Variants in FBXO32 observed in about 807,000 individuals in gnomAD.
FBXO32 encodes the protein F-box protein 32, also known as F-box only protein 32.
FBXO32 carries 15 observed loss-of-function variants against 48.3 expected under a neutral mutation model. The observed-to-expected ratio is 0.31, with a 90% CI of 0.21 to 0.48. FBXO32 has a LOEUF of 0.48. FBXO32 is among the 20% of genes least tolerant of loss of function. The pLI, the probability that FBXO32 is intolerant of heterozygous loss-of-function variation, is 0.99. For missense variants in FBXO32, 309 were observed against 432.7 expected (o/e 0.71, Z 2.54); for synonymous variants, 154 against 165.9 (o/e 0.93, Z 0.55).
chr8:123,527,432 A>G (rs981827441), intron 4 of FBXO32, among the ~76,000 whole-genome samples: 1 of 152,180 alleles, frequency 6.6e-6, no homozygotes, highest in African/African-American at 2.4e-5. Flanking sequence ...TATCCCAATA[A>G]TGCAGTTTCT....
Position 123,533,129 on chromosome 8 carries a change from T to G in FBXO32, c.279+62A>C. The G allele has an allele frequency of 2.3e-6, 3 of 1,295,982 alleles. No individual in the cohort carries two copies. In the Admixed American group the frequency reaches 5.2e-5, roughly 22 times the overall value. The allele number at this position is 1,295,982 out of a possible 1,614,324, so 80.3% of individuals were successfully genotyped here. A position where few individuals can be genotyped will look rare whatever the true frequency, so the allele number is the denominator to read the frequency against. ...GTAATTTCCCTCCCTACCATATCCC[T>G]CCCTGCGCTATCAGGAAGGGATAAG... On this transcript the variant is annotated intron_variant, in intron 3 of 8. Transcript: ENST00000517956.
chr8:123,518,850 C>A (rs939949871), intron 4 of FBXO32, among the ~76,000 whole-genome samples: 20 of 151,982 alleles, frequency 1.3e-4, no homozygotes, highest in Admixed American at 5.2e-4. Flanking sequence ...GAGACAAAGT[C>A]TCACTCTGTC....
Position 123,532,150 on chromosome 8 carries a change from C to A in FBXO32, c.280-160G>T, listed in dbSNP as rs532546498. On this transcript the variant is annotated intron_variant, in intron 3 of 8. Coordinates refer to ENST00000517956, the MANE Select transcript of FBXO32 (RefSeq NM_058229.4). ...TGGCTTCTTTCCTGTACCCACAAGC[C>A]CTTGAGAGCCACCAAGATGGGTAAC... 746 of 1,403,790 alleles carry A rather than the reference C, an allele frequency of 5.3e-4. 10 individuals carry two copies. In the South Asian group the frequency reaches 0.011, roughly 21 times the overall value. 87.0% of individuals were successfully genotyped at this position (1,403,790 alleles called of 1,614,324 possible). A position where few individuals can be genotyped will look rare whatever the true frequency, so the allele number is the denominator to read the frequency against.
At chr8:123,523,329 T>C (rs1349494792) in intron 4 of FBXO32, among the ~76,000 whole-genome samples, 3 of 152,230 alleles carry the variant, frequency 2.0e-5, no homozygotes, top group Middle Eastern at 6.8e-3. Context: ...CGGTGGCTCA[T>C]GCCTGTAATC....
At chr8:123,505,008 TTACTC>T (rs1470191357) in intron 7 of FBXO32, among the ~76,000 whole-genome samples, 4 of 152,198 alleles carry the variant, frequency 2.6e-5, no homozygotes, top group Non-Finnish European at 5.9e-5. Flanking sequence ...CTAGTGACCT[TTACTC>T]AACTGTGGCT....
intron 1 of FBXO32, among the ~76,000 whole-genome samples, chr8:123,539,375 A>G (rs1251432153): frequency 6.6e-6 from 1 of 152,228 alleles, no homozygotes; most frequent in Non-Finnish European, 1.5e-5. Context: ...TTGTTGAGGG[A>G]GAATAATTTA....
chr8:123,531,633 A>T (rs1227540568), intron 4 of FBXO32, among the ~76,000 whole-genome samples: 3 of 152,190 alleles, frequency 2.0e-5, no homozygotes, highest in African/African-American at 7.2e-5. Context: ...TTTCACTTGA[A>T]GAGAATGGCT....
chr8:123,540,944 C>A lies in FBXO32; in HGVS notation c.71G>T (p.Arg24Leu). 2 of 1,613,514 alleles carry A rather than the reference C, an allele frequency of 1.2e-6. No individual in the cohort carries two copies. Among genetic ancestry groups the A allele is most frequent in the Non-Finnish European group, 1.7e-6 (2 of 1,179,752 alleles). Residue 24 changes from arginine (R) to leucine (L), a missense_variant, in exon 1 of 9, where the codon CGC (arginine) becomes CTC (leucine). Physicochemically the swap from Arg to Leu is moderately radical, Grantham distance 102 (BLOSUM62 -2). Transcript: ENST00000517956. This position sits in a 1 kb window ranked among gnomAD's most constrained non-coding sequence, Gnocchi z 6.4. Reference protein sequence around the residue: ...NWVKTADGWKRFLDEKSGSFV... With the variant: ...NWVKTADGWKLFLDEKSGSFV... ...ACTGCCGCTCTTCTCATCCAGGAAGCGCTTCCAGCCGTCGGCCGTCTTCAC... is the reference window on the plus strand; with the variant it reads ...ACTGCCGCTCTTCTCATCCAGGAAGAGCTTCCAGCCGTCGGCCGTCTTCAC...
intron 4 of FBXO32, among the ~76,000 whole-genome samples, chr8:123,521,241 C>G (rs1816947805): frequency 6.6e-6 from 1 of 151,738 alleles, no homozygotes; most frequent in Non-Finnish European, 1.5e-5. Flanking sequence ...ATGGTAAGCA[C>G]TCAACAAATA....
rs1816716028 is a variant in FBXO32, at chr8:123,510,556, T to C, written c.651+2642A>G. 2.0e-5 allele frequency among the ~76,000 whole-genome samples: 3 copies of C among 152,150 alleles called. No homozygotes were observed. The South Asian group carries it at 6.2e-4, about 32-fold the overall frequency. ...TGAACCCAGGAGGTGGAGGCTGCAG[T>C]GAGCTGAGATCACACCACTGCACTC... On this transcript the variant is annotated intron_variant, in intron 6 of 8. Coordinates refer to ENST00000517956, the MANE Select transcript of FBXO32 (RefSeq NM_058229.4).
Position 123,540,937 on chromosome 8 carries a change from C to G in FBXO32, c.78G>C (p.Leu26=), listed in dbSNP as rs1266512957. ...TCACGAAACTGCCGCTCTTCTCATC[C>G]AGGAAGCGCTTCCAGCCGTCGGCCG... The part of the protein sequence containing the change: ...VKTADGWKRF[L]DEKSGSFVSD... The change falls in exon 1 of 9, where the codon CTG becomes CTC. Residue 26 remains leucine (L), a synonymous_variant. Transcript: ENST00000517956. The surrounding 1 kb of genome is among the most constrained non-coding windows in gnomAD (Gnocchi z 6.4). The G allele has an allele frequency of 2.5e-6, 4 of 1,613,578 alleles. No individual in the cohort carries two copies. Among genetic ancestry groups the G allele is most frequent in the Non-Finnish European group, 3.4e-6 (4 of 1,179,804 alleles).
chr8:123,533,527 G>A (rs1817250184), intron 2 of FBXO32, among the ~76,000 whole-genome samples: 1 of 152,132 alleles, frequency 6.6e-6, no homozygotes, highest in Non-Finnish European at 1.5e-5. Flanking sequence ...GAAATTACAG[G>A]CCAGATGCAG....
chr8:123,535,672 C>T (rs1038027811), intron 1 of FBXO32, among the ~76,000 whole-genome samples: 9 of 152,090 alleles, frequency 5.9e-5, no homozygotes, highest in African/African-American at 2.2e-4. Flanking sequence ...TTCTACTATA[C>T]AATGTAACTT....
At chr8:123,508,679 C>T (rs1330309011) in intron 6 of FBXO32, among the ~76,000 whole-genome samples, 2 of 152,198 alleles carry the variant, frequency 1.3e-5, no homozygotes, top group South Asian at 2.1e-4. Flanking sequence ...ACCTATTTAT[C>T]GTTTATCATC....
Position 123,513,256 on chromosome 8 carries a change from T to C in FBXO32, c.593A>G (p.Tyr198Cys). ...VLVGNINMWV[Y>C]RMETILHWQQ... ...CCAGTGGAGAATCGTCTCCATCCGA[T>C]ACACCCACATGTTAATGTTCCCGAC... The change falls in exon 6 of 9, where the codon TAT (tyrosine) becomes TGT (cysteine). Residue 198 changes from tyrosine (Y) to cysteine (C), a missense_variant. Tyr to Cys is a radical substitution (Grantham distance 194). Transcript: ENST00000517956. The surrounding 1 kb of genome is among the most constrained non-coding windows in gnomAD (Gnocchi z 4.3). 6.2e-7 allele frequency: 1 copy of C among 1,614,234 alleles called. No individual in the cohort carries two copies. Among genetic ancestry groups the C allele is most frequent in the Non-Finnish European group, 8.5e-7 (1 of 1,180,050 alleles).
At position 123,513,052 on chromosome 8, in the gene FBXO32, GC is replaced by G; in HGVS notation, c.651+145del. 1.1e-6 allele frequency: 1 copy of G among 876,458 alleles called. No individual in the cohort carries two copies. The highest frequency in any genetic ancestry group is 1.7e-6 in the Non-Finnish European group (1 of 588,664). The allele number at this position is 876,458 out of a possible 1,614,324, so 54.3% of individuals were successfully genotyped here. A position where few individuals can be genotyped will look rare whatever the true frequency, so the allele number is the denominator to read the frequency against. On this transcript the variant is annotated intron_variant, in intron 6 of 8. Coordinates refer to ENST00000517956, the MANE Select transcript of FBXO32 (RefSeq NM_058229.4). The surrounding 1 kb of genome is among the most constrained non-coding windows in gnomAD (Gnocchi z 4.3). ...CTTCCCTTTATCAGGAGGTCCCCCA[GC>G]CCACCCTCAGCACCAGAACAAAGCA...
At chr8:123,522,205 C>CTTTTTTT (rs138504281) in intron 4 of FBXO32, among the ~76,000 whole-genome samples, 2 of 115,292 alleles carry the variant, frequency 1.7e-5, no homozygotes, top group African/African-American at 3.3e-5. Context: ...ATCCTGGTTA[C>CTTTTTTT]TTTTTTTTTT....
At chr8:123,528,593 G>A (rs1046806078) in intron 4 of FBXO32, among the ~76,000 whole-genome samples, 2 of 152,178 alleles carry the variant, frequency 1.3e-5, no homozygotes, top group African/African-American at 4.8e-5. Context: ...GTAGCTTGTA[G>A]CCAGTGAAAA....
rs1816519816 is a variant in FBXO32, at chr8:123,502,604, A to C, written c.*769T>G. On this transcript the variant is annotated 3_prime_UTR_variant, in exon 9 of 9. Transcript: ENST00000517956. ...TACAACATGACAGGAAAAAAGGAACATGTGCTTTTGGGTTGTTCTGGTGAA... is the reference window on the plus strand; with the variant it reads ...TACAACATGACAGGAAAAAAGGAACCTGTGCTTTTGGGTTGTTCTGGTGAA... The C allele has an allele frequency of 6.6e-6, 1 of 152,230 alleles. No homozygotes were observed. The highest frequency in any genetic ancestry group is 1.5e-5 in the Non-Finnish European group (1 of 68,064). 9.4% of individuals were successfully genotyped at this position (152,230 alleles called of 1,614,324 possible).
Sources: gnomAD v4.1 joint callset for allele counts (sites outside exome capture counted in the v4.1 genomes callset) on GRCh38, gnomAD v4.1.1 for gene constraint, Gnocchi (gnomAD v3.1) non-coding constraint, MANE v1.5 for transcripts, NCBI Gene and HGNC (gene_info 2026-07-23, HGNC 2026-07-21) for gene names.